Variants in GALNT13 observed in about 807,000 individuals in gnomAD.
GALNT13 encodes the protein polypeptide N-acetylgalactosaminyltransferase 13.
Under a neutral mutation model 64.2 loss-of-function variants are expected in GALNT13, and 28 were observed. The ratio of observed to expected loss-of-function variants is 0.44; its 90% CI spans 0.32 to 0.60. The LOEUF is 0.60. GALNT13 is among the 20% of genes least tolerant of loss of function. The pLI, the probability that GALNT13 is intolerant of heterozygous loss-of-function variation, is 0.05. For synonymous variants in GALNT13, 214 were observed against 224.6 expected, an observed-to-expected ratio of 0.95 and a Z score of 0.42; for missense variants, 577 against 669.8, an observed-to-expected ratio of 0.86 and a Z score of 1.53.
At chr2:153,670,423 C>T in the GALNT13 span, among the ~76,000 whole-genome samples, 1 of 152,160 alleles carries the variant, frequency 6.6e-6, no homozygotes, top group Non-Finnish European at 1.5e-5. Context: ...TGGAGTGAAC[C>T]TCCAGCAAAC....
the GALNT13 span, among the ~76,000 whole-genome samples, chr2:153,770,184 C>T: frequency 1.3e-5 from 2 of 148,544 alleles, no homozygotes; most frequent in South Asian, 2.2e-4. Context: ...CCCCACACCC[C>T]GGCTTTTTCT....
At chr2:153,843,554 T>C in the GALNT13 span, among the ~76,000 whole-genome samples, 1 of 152,140 alleles carries the variant, frequency 6.6e-6, no homozygotes, top group Non-Finnish European at 1.5e-5. Context: ...CCCGCAAATA[T>C]CATGTCCTTC....
At chr2:153,415,319 C>T in the GALNT13 span, among the ~76,000 whole-genome samples, 2 of 152,128 alleles carry the variant, frequency 1.3e-5, no homozygotes, top group East Asian at 1.9e-4. Flanking sequence ...TAGTTCACAA[C>T]CTCTGATAAA....
chr2:153,390,889 T>G, the GALNT13 span, among the ~76,000 whole-genome samples: 1 of 151,846 alleles, frequency 6.6e-6, no homozygotes, highest in Non-Finnish European at 1.5e-5. Flanking sequence ...ATACAGTAAA[T>G]AAGAAAATTT....
chr2:153,438,465 A>G, the GALNT13 span, among the ~76,000 whole-genome samples: 1,760 of 152,258 alleles, frequency 0.012, 32 homozygotes, highest in African/African-American at 0.04. Flanking sequence ...AGGTACACCA[A>G]TCAGATGTAG....
intron 9 of GALNT13, among the ~76,000 whole-genome samples, chr2:154,311,666 G>C (rs953719587): frequency 6.6e-6 from 1 of 152,086 alleles, no homozygotes; most frequent in East Asian, 1.9e-4. Context: ...TTTATTAGGC[G>C]GGAATTTCCT....
intron 9 of GALNT13, among the ~76,000 whole-genome samples, chr2:154,394,790 C>T (rs1698979054): frequency 6.6e-6 from 1 of 152,178 alleles, no homozygotes; most frequent in South Asian, 2.1e-4. Context: ...TCTGCCCAAA[C>T]ACCAGCTAGG....
At chr2:153,612,804 T>C in the GALNT13 span, among the ~76,000 whole-genome samples, 1 of 152,156 alleles carries the variant, frequency 6.6e-6, no homozygotes, top group East Asian at 1.9e-4. Context: ...ATAGAAACAA[T>C]ATGACAATAT....
At chr2:153,810,340 T>C in the GALNT13 span, among the ~76,000 whole-genome samples, 1 of 152,170 alleles carries the variant, frequency 6.6e-6, no homozygotes, top group Admixed American at 6.5e-5. Context: ...CCAAGTGTTG[T>C]GCGTGATCAT....
At chr2:153,956,644 T>C (rs999055301) in intron 3 of GALNT13, among the ~76,000 whole-genome samples, 10 of 152,304 alleles carry the variant, frequency 6.6e-5, no homozygotes, top group African/African-American at 2.2e-4. Context: ...TGATGTTCTC[T>C]ACATCTCTCT....
chr2:153,211,706 G>A, the GALNT13 span, among the ~76,000 whole-genome samples: 4 of 152,112 alleles, frequency 2.6e-5, no homozygotes, highest in Non-Finnish European at 5.9e-5. Flanking sequence ...TTTATGCCTG[G>A]AAAGAGGAGA....
At chr2:154,086,767 C>T (rs971049418) in intron 3 of GALNT13, among the ~76,000 whole-genome samples, 8 of 141,776 alleles carry the variant, frequency 5.6e-5, no homozygotes, top group African/African-American at 1.3e-4. Flanking sequence ...TGTTAGCATA[C>T]GCGCACACAC....
intron 9 of GALNT13, among the ~76,000 whole-genome samples, chr2:154,365,679 G>T (rs1235447231): frequency 6.6e-6 from 1 of 152,198 alleles, no homozygotes; most frequent in Non-Finnish European, 1.5e-5. Context: ...GCTTTATTCA[G>T]AGAAAGTGGC....
chr2:153,779,724 G>A, the GALNT13 span, among the ~76,000 whole-genome samples: 1 of 152,070 alleles, frequency 6.6e-6, no homozygotes, highest in Admixed American at 6.6e-5. Context: ...TTTCTCATGA[G>A]TGATGGTTTT....
chr2:153,511,987 G>A, the GALNT13 span, among the ~76,000 whole-genome samples: 1 of 152,244 alleles, frequency 6.6e-6, no homozygotes, highest in Admixed American at 6.5e-5. Context: ...TTATGGAGAA[G>A]GCACAGTTAT....
At chr2:153,177,059 A>G in the GALNT13 span, among the ~76,000 whole-genome samples, 1 of 151,760 alleles carries the variant, frequency 6.6e-6, no homozygotes, top group East Asian at 1.9e-4. Flanking sequence ...AAGAAGGAAT[A>G]AGGAGCATTT....
intron 7 of GALNT13, 125 bp from the exon 8 acceptor site, chr2:154,258,896 T>A: frequency 1.7e-6 from 1 of 581,964 alleles, no homozygotes; most frequent in Non-Finnish European, 3.1e-6. Flanking sequence ...ACACCTTGAC[T>A]TTGTGTTTTT....
the GALNT13 span, among the ~76,000 whole-genome samples, chr2:153,462,818 T>G: frequency 1.3e-5 from 2 of 152,136 alleles, no homozygotes; most frequent in African/African-American, 4.8e-5. Flanking sequence ...AGAATCTCCT[T>G]TGGTCCTGGC....
the GALNT13 span, among the ~76,000 whole-genome samples, chr2:153,846,658 T>C: frequency 6.6e-6 from 1 of 152,150 alleles, no homozygotes; most frequent in Non-Finnish European, 1.5e-5. Context: ...ACACACTTGT[T>C]AAACAGTTTA....
Sources: gnomAD v4.1 joint callset for allele counts (sites outside exome capture counted in the v4.1 genomes callset) on GRCh38, gnomAD v4.1.1 for gene constraint, MANE v1.5 for transcripts, NCBI Gene and HGNC (gene_info 2026-07-23, HGNC 2026-07-21) for gene names.